Variants in PIAS3 observed in about 807,000 individuals in gnomAD.
PIAS3 encodes E3 SUMO-protein ligase PIAS3.
Under a neutral mutation model 67.6 loss-of-function variants are expected in PIAS3, and 34 were observed. The ratio of observed to expected loss-of-function variants is 0.50; its 90% CI spans 0.38 to 0.67. The LOEUF (loss-of-function observed/expected upper bound fraction) is 0.67. Among genes scored for constraint, PIAS3 ranks in the 30% least tolerant of loss-of-function variants. The pLI is 0.00. For synonymous variants in PIAS3, 341 were observed against 313.8 expected, an observed-to-expected ratio of 1.09 and a Z score of -0.92; for missense variants, 693 against 791.6, an observed-to-expected ratio of 0.88 and a Z score of 1.49.
chr1:145,857,204 G>A (rs587615455), intron 1 of PIAS3, 198 bp from the exon 2 acceptor site: 19 of 596,004 alleles, frequency 3.2e-5, no homozygotes, highest in African/African-American at 3.1e-4. Flanking sequence ...GCAACCATCA[G>A]GTCAGCATCA....
chr1:145,856,145 T>C (rs1653168368), intron 3 of PIAS3, 27 bp from the exon 4 acceptor site: 1 of 1,601,782 alleles, frequency 6.2e-7, no homozygotes, highest in Non-Finnish European at 8.6e-7. Flanking sequence ...GATGAAGAGA[T>C]GTCAGCATGT....
intron 13 of PIAS3, 87 bp from the exon 14 acceptor site, chr1:145,849,799 C>A: frequency 6.7e-7 from 1 of 1,498,556 alleles, no homozygotes; most frequent in Non-Finnish European, 8.9e-7. Context: ...CGTATGAGAG[C>A]AATCAACCCC....
At position 145,856,146 on chromosome 1, in the gene PIAS3, G is replaced by A. The variant is rs782250987; in HGVS notation, c.528-28C>T. On this transcript the variant is annotated intron_variant, in intron 3 of 13. Transcript: ENST00000393045. ...GTAACAGGGAGGGAGATGAAGAGATGTCAGCATGTAGCCCCCAGAGGGCAA... is the reference window on the plus strand; with the variant it reads ...GTAACAGGGAGGGAGATGAAGAGATATCAGCATGTAGCCCCCAGAGGGCAA... 6 of 1,601,430 alleles carry A rather than the reference G, an allele frequency of 3.7e-6. No homozygotes were observed. In the South Asian group the frequency reaches 6.6e-5, roughly 18 times the overall value.
intron 1 of PIAS3, among the ~76,000 whole-genome samples, chr1:145,858,653 C>T (rs1370783007): frequency 1.3e-5 from 2 of 150,732 alleles, no homozygotes; most frequent in African/African-American, 2.4e-5. Flanking sequence ...GCACCTTTTC[C>T]CCCTGGCCCT....
chr1:145,858,879 G>T, intron 1 of PIAS3, 88 bp downstream of exon 1: 1 of 1,236,138 alleles, frequency 8.1e-7, no homozygotes, highest in Non-Finnish European at 1.1e-6. Flanking sequence ...GCGCCCACCC[G>T]AGCCCCGGCA....
rs782752494 is a variant in PIAS3, at chr1:145,850,887, C to G, written c.1332G>C (p.Lys444Asn). The G allele has an allele frequency of 5.0e-6, 8 of 1,614,036 alleles. No individual in the cohort carries two copies. The highest frequency in any genetic ancestry group is 6.8e-6 in the Non-Finnish European group (8 of 1,180,014). The change falls in exon 11 of 14, where the codon AAG (lysine) becomes AAC (asparagine). Residue 444 changes from lysine (K) to asparagine (N), a missense_variant. By Grantham distance (94) the Lys-to-Asn change is moderately conservative. Around this residue, in one of 3 missense-constraint regions of PIAS3, gnomAD observed 270 missense variants for 261.0 expected, o/e 1.03. Coordinates refer to ENST00000393045, the MANE Select transcript of PIAS3 (RefSeq NM_006099.3). Reference sequence around the variant, plus strand: ...CTATTGTCAAGTCAATAACTTCGACCTTCTTCTTATTCTCTGATGGATCTC... The same window carrying G: ...CTATTGTCAAGTCAATAACTTCGACGTTCTTCTTATTCTCTGATGGATCTC... The part of the protein sequence containing the change: ...QGGDPSENKK[K>N]VEVIDLTIES...
chr1:145,857,240 A>G (rs1653228081), intron 1 of PIAS3: 1 of 562,198 alleles, frequency 1.8e-6, no homozygotes. Flanking sequence ...AGCTTGAGCA[A>G]CACTATTTCC....
rs1653316154 is a variant in PIAS3, at chr1:145,859,020, GC to G, written c.-31del. 1 of 1,542,470 alleles carries G rather than the reference GC, an allele frequency of 6.5e-7. No homozygotes were observed. ...AGACATCGCAGGCGCCCCAGCCGGA[GC>G]CGGAGCTCAGGCCCAGGGACCGGCG... On this transcript the variant is annotated 5_prime_UTR_variant, in exon 1 of 14. Coordinates refer to ENST00000393045, the MANE Select transcript of PIAS3 (RefSeq NM_006099.3).
At position 145,856,617 on chromosome 1, in the gene PIAS3, A is replaced by G. The variant is rs782642539; in HGVS notation, c.414T>C (p.Tyr138=). Residue 138 remains tyrosine, a synonymous_variant, in exon 2 of 14, where the codon TAT becomes TAC. Coordinates refer to ENST00000393045, the MANE Select transcript of PIAS3 (RefSeq NM_006099.3). ...TMKPLPFYEV[Y]GELIRPTTLA... ...GGGTGGTGGGCCGGATGAGCTCCCC[A>G]TAGACTTCATAGAAGGGCAATGGTT... is the stretch of plus-strand genomic sequence containing the variant. 6.4e-7 allele frequency: 1 copy of G among 1,570,446 alleles called. No individual in the cohort carries two copies. Among genetic ancestry groups the G allele is most frequent in the Admixed American group, 1.8e-5 (1 of 55,388 alleles).
In PIAS3 at chr1:145,859,072, C is replaced by G; in HGVS notation, c.-82G>C. The G allele has an allele frequency of 7.1e-7, 1 of 1,401,044 alleles. No individual in the cohort carries two copies. Among genetic ancestry groups the G allele is most frequent in the East Asian group, 2.8e-5 (1 of 35,960 alleles). The allele number at this position is 1,401,044 out of a possible 1,614,324, so 86.8% of individuals were successfully genotyped here. ...CACAACTCTCCACCCTGGCGCCGGC[C>G]GCAAATGCCGCCTGCTCCGCCCAGT... On this transcript the variant is annotated 5_prime_UTR_variant, in exon 1 of 14. Transcript: ENST00000393045.
chr1:145,858,923 C>A, intron 1 of PIAS3, 44 bp downstream of exon 1: 1 of 1,470,342 alleles, frequency 6.8e-7, no homozygotes, highest in East Asian at 2.9e-5. Context: ...CACGGCGTAC[C>A]GCCGGGCTGA....
intron 7 of PIAS3, 159 bp from the exon 8 acceptor site, chr1:145,854,045 T>C: frequency 1.6e-6 from 1 of 623,268 alleles, no homozygotes; most frequent in East Asian, 2.7e-5. Context: ...GGGATATGGA[T>C]GATGAAGGCT....
chr1:145,856,955 C>T lies in PIAS3; in HGVS notation c.76G>A (p.Ala26Thr). 6.2e-7 allele frequency: 1 copy of T among 1,614,146 alleles called. No individual in the cohort carries two copies. The highest frequency in any genetic ancestry group is 1.3e-5 in the African/African-American group (1 of 75,046). Residue 26 changes from alanine to threonine, a missense_variant, in exon 2 of 14, where the codon GCT (alanine) becomes ACT (threonine). Ala to Thr is a moderately conservative substitution (Grantham distance 58). Transcript: ENST00000393045. Reference sequence around the variant, plus strand: ...TTCCGTCCACTCTTGTTCCGGCCAGCAAAGCCAAGAAGCACCTGGAGCTCA... The same window carrying T: ...TTCCGTCCACTCTTGTTCCGGCCAGTAAAGCCAAGAAGCACCTGGAGCTCA... ...VSELQVLLGF[A>T]GRNKSGRKHE... is the part of the protein sequence containing the mutation.
At chr1:145,857,090 C>G (rs1434071992) in intron 1 of PIAS3, 84 bp from the exon 2 acceptor site, 1 of 1,190,346 alleles carries the variant, frequency 8.4e-7, no homozygotes, top group African/African-American at 1.5e-5. Flanking sequence ...ACCAGGTGGG[C>G]AGTGCCTTTC....
In PIAS3 at chr1:145,853,832, C is replaced by G; in HGVS notation, c.965G>C (p.Arg322Pro). The stretch of plus-strand genomic sequence containing the variant: ...ACCCACCGGGCACATGAGTGACACC[C>G]GGAGACTTGTAGTGGCCACCTCACT... Reference protein sequence around the residue: ...PDSEVATTSLRVSLMCPLGKM... With the variant: ...PDSEVATTSLPVSLMCPLGKM... Residue 322 changes from arginine to proline, a missense_variant, in exon 8 of 14, where the codon CGG (arginine) becomes CCG (proline). By Grantham distance (103) the Arg-to-Pro change is moderately radical. Around this residue, in one of 3 missense-constraint regions of PIAS3, gnomAD observed 115 missense variants for 181.8 expected, o/e 0.63. Transcript: ENST00000393045. The G allele has an allele frequency of 6.2e-7, 1 of 1,614,116 alleles. No homozygotes were observed. The highest frequency in any genetic ancestry group is 8.5e-7 in the Non-Finnish European group (1 of 1,180,010).
chr1:145,855,736 C>A lies in PIAS3; in HGVS notation c.669G>T (p.Pro223=). Residue 223 remains proline, a splice_region_variant and synonymous_variant, in exon 5 of 14, where the codon CCG becomes CCT. Transcript: ENST00000393045. The stretch of plus-strand genomic sequence containing the variant: ...GACAGAAGAAGGGGAGAGCATTTAC[C>A]GGCAGGGGGCACAGTTTCCCATTGA... ...VKVNGKLCPL[P]GYLPPTKNGA... 6.5e-7 allele frequency: 1 copy of A among 1,543,390 alleles called. No homozygotes were observed. The highest frequency in any genetic ancestry group is 8.9e-7 in the Non-Finnish European group (1 of 1,123,540).
chr1:145,856,925 C>T lies in PIAS3; in HGVS notation c.106G>A (p.Glu36Lys), dbSNP rs782003284. 4 of 1,614,140 alleles carry T rather than the reference C, an allele frequency of 2.5e-6. No homozygotes were observed. Among genetic ancestry groups the T allele is most frequent in the African/African-American group, 1.3e-5 (1 of 75,014 alleles). ...AGRNKSGRKHELLAKALHLLK... is the reference protein window; with the variant it reads ...AGRNKSGRKHKLLAKALHLLK... ...AGGTGCAGAGCCTTGGCCAGGAGCTCGTGCTTCCGTCCACTCTTGTTCCGG... is the reference window on the plus strand; with the variant it reads ...AGGTGCAGAGCCTTGGCCAGGAGCTTGTGCTTCCGTCCACTCTTGTTCCGG... The change falls in exon 2 of 14, where the codon GAG (glutamate) becomes AAG (lysine). Residue 36 changes from glutamate to lysine, a missense_variant. Around this residue, in one of 3 missense-constraint regions of PIAS3, gnomAD observed 308 missense variants for 348.8 expected, o/e 0.88. Coordinates refer to ENST00000393045, the MANE Select transcript of PIAS3 (RefSeq NM_006099.3).
intron 9 of PIAS3, 159 bp from the exon 10 acceptor site, chr1:145,851,312 C>T: frequency 2.7e-6 from 2 of 727,946 alleles, no homozygotes; most frequent in Non-Finnish European, 4.7e-6. Context: ...AATCAAATAA[C>T]ACAAGGTATG....
Position 145,856,385 on chromosome 1 carries a change from G to A in PIAS3, c.489C>T (p.Ala163=). The part of the protein sequence containing the change: ...QRFEEAHFTF[A]LTPQQVQQIL... ...TCTGCTGCACTTGCTGGGGTGTGAG[G>A]GCAAAGGTAAAGTGCGCTTCCTCAA... is the stretch of plus-strand genomic sequence containing the variant. The change falls in exon 3 of 14, where the codon GCC becomes GCT. Residue 163 remains alanine, a synonymous_variant. Transcript: ENST00000393045. The A allele has an allele frequency of 6.2e-7, 1 of 1,614,070 alleles. No individual in the cohort carries two copies. The highest frequency in any genetic ancestry group is 8.5e-7 in the Non-Finnish European group (1 of 1,179,966).
Sources: gnomAD v4.1 joint callset for allele counts (sites outside exome capture counted in the v4.1 genomes callset) on GRCh38, gnomAD v4.1.1 for gene constraint, gnomAD v4.1.1 regional missense constraint, MANE v1.5 for transcripts, NCBI Gene and HGNC (gene_info 2026-07-23, HGNC 2026-07-21) for gene names.